Variants in NAV1 observed in about 807,000 individuals in gnomAD.
NAV1 encodes the protein pore membrane and/or filament interacting like protein 3.
NAV1 carries 18 observed loss-of-function variants against 175.2 expected under a neutral mutation model. The observed-to-expected ratio is 0.10, with a 90% CI of 0.07 to 0.15. The LOEUF (loss-of-function observed/expected upper bound fraction) is 0.15, where lower values mean the gene tolerates loss of function less well. NAV1 is among the 10% of genes least tolerant of loss of function. The pLI is 1.00. For missense variants in NAV1, 1,731 were observed against 2,436.6 expected (o/e 0.71, Z 6.10); for synonymous variants, 897 against 978.7 (o/e 0.92, Z 1.56).
intron 2 of NAV1, among the ~76,000 whole-genome samples, chr1:201,590,466 T>C (rs539280509): frequency 2.0e-5 from 3 of 152,346 alleles, no homozygotes; most frequent in Non-Finnish European, 4.4e-5. Flanking sequence ...TTTTGACACA[T>C]GTATACAGTC....
chr1:201,751,216 A>G (rs544384285), intron 3 of NAV1, among the ~76,000 whole-genome samples: 2 of 152,376 alleles, frequency 1.3e-5, no homozygotes, highest in Admixed American at 1.3e-4. Context: ...GTGATGTGGC[A>G]AGAGGCATCT....
At position 201,793,508 on chromosome 1, in the gene NAV1, T is replaced by A. The variant is rs143750370; in HGVS notation, c.3322-284T>A. The stretch of plus-strand genomic sequence containing the variant: ...TAGAGCAGAGGGATAGTCCTACCTC[T>A]GGTAGTTGATAGGTTTTAGATCTCA... On this transcript the variant is annotated intron_variant, in intron 13 of 29. Transcript: ENST00000367296. 7.5e-3 allele frequency: 2,959 copies of A among 393,836 alleles called. 38 individuals carry two copies. Among genetic ancestry groups the A allele is most frequent in the South Asian group, 0.033 (1,337 of 40,214 alleles). The allele number at this position is 393,836 out of a possible 1,614,324, so 24.4% of individuals were successfully genotyped here. A position where few individuals can be genotyped will look rare whatever the true frequency, so the allele number is the denominator to read the frequency against.
chr1:201,685,662 C>T (rs1414972), intron 1 of NAV1, among the ~76,000 whole-genome samples: 3,339 of 152,314 alleles, frequency 0.022, 59 homozygotes, highest in Middle Eastern at 0.068. Flanking sequence ...GCAGCCAGTA[C>T]ATTTTTCCTC....
Position 201,539,490 on chromosome 1 carries a change from G to A in NAV1, c.-144+148G>A, listed in dbSNP as rs969533332. On this transcript the variant is annotated intron_variant, in intron 1 of 33. Coordinates refer to the NAV1 transcript ENST00000685211. The surrounding 1 kb of genome is among the most constrained non-coding windows in gnomAD (Gnocchi z 5.6). Reference sequence around the variant, plus strand: ...GGTGCCCGAGGGAGGCTGTGGGCTGGGCTCGGGAGAGGCGCTGGAATAAAT... The same window carrying A: ...GGTGCCCGAGGGAGGCTGTGGGCTGAGCTCGGGAGAGGCGCTGGAATAAAT... Among the ~76,000 whole-genome samples the A allele has an allele frequency of 2.0e-5, 3 of 152,152 alleles. No homozygotes were observed. The highest frequency in any genetic ancestry group is 2.9e-5 in the Non-Finnish European group (2 of 68,018).
intron 2 of NAV1, among the ~76,000 whole-genome samples, chr1:201,610,929 G>T (rs1558018074): frequency 6.6e-6 from 1 of 152,200 alleles, no homozygotes; most frequent in Non-Finnish European, 1.5e-5. Context: ...ACTTCTGGAG[G>T]TGTTGGCAGA....
intron 3 of NAV1, among the ~76,000 whole-genome samples, chr1:201,727,035 T>G (rs1672636092): frequency 6.6e-6 from 1 of 152,216 alleles, no homozygotes. Context: ...CACCTCCCTC[T>G]GCTTGTTTCC....
intron 1 of NAV1, among the ~76,000 whole-genome samples, chr1:201,572,069 A>G (rs1555933): frequency 0.13 from 20,064 of 152,200 alleles, 1,349 homozygotes; most frequent in Admixed American, 0.15. Flanking sequence ...AAAAGGTCCT[A>G]TATGAGAGAG....
At chr1:201,710,772 G>T (rs1671869418) in intron 1 of NAV1, among the ~76,000 whole-genome samples, 1 of 152,112 alleles carries the variant, frequency 6.6e-6, no homozygotes, top group African/African-American at 2.4e-5. Context: ...TGTTAAATGG[G>T]GCAGTAGCAC....
chr1:201,647,814 G>C (rs1028724551), upstream of NAV1, among the ~76,000 whole-genome samples: 3 of 151,942 alleles, frequency 2.0e-5, no homozygotes, highest in East Asian at 5.8e-4. Flanking sequence ...ATCTCTCTCA[G>C]GCCCACGGGC....
chr1:201,680,987 T>G (rs1395372552), intron 1 of NAV1, among the ~76,000 whole-genome samples: 2 of 152,168 alleles, frequency 1.3e-5, no homozygotes, highest in African/African-American at 2.4e-5. Flanking sequence ...AATATTACAT[T>G]GTCTTTCGTC....
chr1:201,654,190 A>C lies in NAV1; in HGVS notation c.757+4765A>C, dbSNP rs529258147. 7.9e-5 allele frequency among the ~76,000 whole-genome samples: 12 copies of C among 152,274 alleles called. 1 individual carries two copies. In the South Asian group the frequency reaches 2.5e-3, roughly 32 times the overall value. On this transcript the variant is annotated intron_variant, in intron 1 of 29. Transcript: ENST00000367296. Reference sequence around the variant, plus strand: ...GAGCTACTCTGGCTCCCTGAACCTTAAGCCAACCCAGGGAGATACCCTTTA... The same window carrying C: ...GAGCTACTCTGGCTCCCTGAACCTTCAGCCAACCCAGGGAGATACCCTTTA...
rs1264252636 is a variant in NAV1 at position 201,793,827 on chromosome 1, G to A, written c.3357G>A (p.Val1119=). Residue 1119 remains valine (V), a synonymous_variant, in exon 14 of 30, where the codon GTG becomes GTA. Coordinates refer to ENST00000367296, the Ensembl canonical transcript of NAV1. The stretch of plus-strand genomic sequence containing the variant: ...TGGCTGCTTTTGAGCAGAGCCTGGT[G>A]AATATGACATCCCGCCTGCGACACC... The A allele has an allele frequency of 4.1e-6, 6 of 1,452,196 alleles. No homozygotes were observed. The South Asian group carries it at 5.6e-5, about 14-fold the overall frequency. The allele number at this position is 1,452,196 out of a possible 1,614,324, so 90.0% of individuals were successfully genotyped here.
At chr1:201,549,088 T>C (rs1051911073) in intron 1 of NAV1, among the ~76,000 whole-genome samples, 1 of 106,670 alleles carries the variant, frequency 9.4e-6, no homozygotes, top group African/African-American at 3.1e-5. Context: ...TCTTTCTTTC[T>C]TTCTTTCTTT....
At position 201,802,136 on chromosome 1, in the gene NAV1, CAAAA is replaced by C. The variant is rs771631007; in HGVS notation, c.3518-1441_3518-1438del. On this transcript the variant is annotated intron_variant, in intron 15 of 29. Transcript: ENST00000367296. The stretch of plus-strand genomic sequence containing the variant: ...TGGGCGACAGAGCGAGACTCCGTCT[CAAAA>C]AAAAAAAAAAAAAAATTAGCCGGGC... Among the ~76,000 whole-genome samples, 7 of 20,304 alleles carry C rather than the reference CAAAA, an allele frequency of 3.4e-4. 3 individuals are homozygous for C. The highest frequency in any genetic ancestry group is 9.5e-4 in the East Asian group (1 of 1,056). 13.3% of individuals were successfully genotyped at this position (20,304 alleles called of 152,430 possible).
At chr1:201,755,246 G>C (rs1295826012) in intron 3 of NAV1, among the ~76,000 whole-genome samples, 1 of 152,000 alleles carries the variant, frequency 6.6e-6, no homozygotes, top group Non-Finnish European at 1.5e-5. Context: ...TATTTCCCCT[G>C]CCTGGGCAAC....
intron 2 of NAV1, among the ~76,000 whole-genome samples, chr1:201,598,498 C>A (rs1179353470): frequency 6.6e-6 from 1 of 152,168 alleles, no homozygotes; most frequent in Non-Finnish European, 1.5e-5. Flanking sequence ...GCCGGGAGAA[C>A]AAAGTGTGTG....
chr1:201,573,765 G>T (rs1666614552), intron 1 of NAV1, among the ~76,000 whole-genome samples: 1 of 151,934 alleles, frequency 6.6e-6, no homozygotes, highest in Admixed American at 6.5e-5. Flanking sequence ...GACCCTTTTT[G>T]GGAATCTGAT....
chr1:201,657,185 C>A (rs1194768436), intron 1 of NAV1, among the ~76,000 whole-genome samples: 1 of 152,210 alleles, frequency 6.6e-6, no homozygotes. Context: ...AAGTGAAAGT[C>A]ATTGTTCTTG....
rs1186326434 is a variant in NAV1 at position 201,740,025 on chromosome 1, T to C, written c.1226+21270T>C. ...GAATGGCCGCCTGAGCCGGGGAAGATGCTTCATCTGCCCCTGCCCAGATCC... is the reference window on the plus strand; with the variant it reads ...GAATGGCCGCCTGAGCCGGGGAAGACGCTTCATCTGCCCCTGCCCAGATCC... On this transcript the variant is annotated intron_variant, in intron 3 of 29. Transcript: ENST00000367296. The surrounding 1 kb of genome is among the most constrained non-coding windows in gnomAD (Gnocchi z 4.7). The C allele has an allele frequency of 2.7e-6, 4 of 1,489,236 alleles. No homozygotes were observed. Among genetic ancestry groups the C allele is most frequent in the Non-Finnish European group, 3.6e-6 (4 of 1,116,382 alleles). The allele number at this position is 1,489,236 out of a possible 1,614,324, so 92.3% of individuals were successfully genotyped here. A position where few individuals can be genotyped will look rare whatever the true frequency, so the allele number is the denominator to read the frequency against.
Sources: allele counts gnomAD v4.1 joint callset (sites outside exome capture counted in the v4.1 genomes callset), GRCh38; gene constraint gnomAD v4.1.1; non-coding constraint Gnocchi (gnomAD v3.1); transcripts MANE v1.5; gene names NCBI Gene and HGNC (gene_info 2026-07-23, HGNC 2026-07-21).